Variants in FLACC1 observed in about 807,000 individuals in gnomAD.
FLACC1 encodes the protein flagellum-associated coiled-coil domain-containing protein 1.
A neutral mutation model predicts 62.8 loss-of-function variants in FLACC1; 66 were observed. The ratio of observed to expected loss-of-function variants is 1.05; its 90% CI spans 0.86 to 1.29. The LOEUF is 1.29. FLACC1 is among the 50% of genes most tolerant of loss of function. FLACC1 has a pLI of 0.00. For synonymous variants in FLACC1, 156 were observed against 161.0 expected, an observed-to-expected ratio of 0.97 and a Z score of 0.24; for missense variants, 452 against 489.1, an observed-to-expected ratio of 0.92 and a Z score of 0.71.
At chr2:201,312,440 A>T (rs1334917324) in intron 9 of FLACC1, among the ~76,000 whole-genome samples, 1 of 152,208 alleles carries the variant, frequency 6.6e-6, no homozygotes, top group Non-Finnish European at 1.5e-5. Context: ...AAATGGAAAA[A>T]CATTCCATGC....
At chr2:201,343,298 T>C (rs1950847395) in intron 6 of FLACC1, among the ~76,000 whole-genome samples, 1 of 152,256 alleles carries the variant, frequency 6.6e-6, no homozygotes, top group South Asian at 2.1e-4. Flanking sequence ...TTTTGTCCAA[T>C]GATCTACCAC....
intron 9 of FLACC1, among the ~76,000 whole-genome samples, chr2:201,317,738 C>T (rs1950331890): frequency 1.3e-5 from 2 of 152,024 alleles, no homozygotes; most frequent in Admixed American, 1.3e-4. Flanking sequence ...ACCCACATAG[C>T]CAAAGCAAGA....
intron 12 of FLACC1, among the ~76,000 whole-genome samples, chr2:201,294,370 C>T (rs1415012041): frequency 9.2e-5 from 14 of 152,080 alleles, no homozygotes; most frequent in African/African-American, 1.2e-4. Context: ...GTTCAACATA[C>T]GCAAATCAAT....
chr2:201,298,852 T>A (rs1337526498), intron 12 of FLACC1, among the ~76,000 whole-genome samples: 1 of 152,192 alleles, frequency 6.6e-6, no homozygotes, highest in East Asian at 1.9e-4. Context: ...CATTCAGAGC[T>A]TAAGGAGGGG....
intron 11 of FLACC1, among the ~76,000 whole-genome samples, chr2:201,300,795 TG>T (rs1458378637): frequency 3.3e-5 from 5 of 152,178 alleles, no homozygotes. Context: ...CCTCTCCTGG[TG>T]ATACCCAGGC....
rs368478504 is a variant in FLACC1, at chr2:201,342,480, A to G, written c.463-49T>C. 4 of 1,576,758 alleles carry G rather than the reference A, an allele frequency of 2.5e-6. No individual in the cohort carries two copies. In the African/African-American group the frequency reaches 5.4e-5, roughly 21 times the overall value. ...AACACAGGACTGAGGACCCTGTCCC[A>G]TTCTGATCTGCACCTTCTGAAAAGC... On this transcript the variant is annotated intron_variant, in intron 6 of 14. Transcript: ENST00000392257.
At chr2:201,345,407 G>C (rs1950890996) in intron 5 of FLACC1, among the ~76,000 whole-genome samples, 1 of 151,754 alleles carries the variant, frequency 6.6e-6, no homozygotes, top group South Asian at 2.1e-4. Flanking sequence ...ACTGCTAACG[G>C]TTTGGTTGAA....
chr2:201,362,272 C>T (rs1951191801), upstream of FLACC1, among the ~76,000 whole-genome samples: 1 of 152,038 alleles, frequency 6.6e-6, no homozygotes, highest in Admixed American at 6.5e-5. Context: ...GAGTCTCAAG[C>T]TTCATTTCTC....
At chr2:201,356,586 C>A (rs1464543693) in intron 1 of FLACC1, among the ~76,000 whole-genome samples, 1 of 152,164 alleles carries the variant, frequency 6.6e-6, no homozygotes, top group Non-Finnish European at 1.5e-5. Context: ...GTGCATATAA[C>A]CTTAAATGTT....
chr2:201,354,343 G>A (rs535880226), intron 1 of FLACC1, among the ~76,000 whole-genome samples: 1 of 152,312 alleles, frequency 6.6e-6, no homozygotes, highest in South Asian at 2.1e-4. Flanking sequence ...GTGGAGCAAA[G>A]GCAAGAGACC....
At chr2:201,348,482 G>C (rs1950962001) in intron 3 of FLACC1, among the ~76,000 whole-genome samples, 180 bp from the exon 4 acceptor site, 1 of 152,092 alleles carries the variant, frequency 6.6e-6, no homozygotes, top group South Asian at 2.1e-4. Context: ...CCAAAGTAGG[G>C]GTGCTCATGA....
rs375052178 is a variant in FLACC1, at chr2:201,309,267, G to T, written c.676-17C>A. ...AATACTGTCCTGGGGAGGTACAAAG[G>T]CACCATGAAGAAAAGAGTCCTAAAA... On this transcript the variant is annotated splice_polypyrimidine_tract_variant and intron_variant, in intron 9 of 14. Transcript: ENST00000392257. 5.7e-6 allele frequency: 9 copies of T among 1,583,244 alleles called. No individual in the cohort carries two copies. The highest frequency in any genetic ancestry group is 1.3e-5 in the African/African-American group (1 of 74,116).
At chr2:201,311,917 A>G (rs1255634938) in intron 9 of FLACC1, among the ~76,000 whole-genome samples, 3 of 152,182 alleles carry the variant, frequency 2.0e-5, no homozygotes, top group African/African-American at 7.2e-5. Flanking sequence ...TAGGTTATCA[A>G]AGGAACTTAC....
At position 201,289,531 on chromosome 2, in the gene FLACC1, T is replaced by G. The variant is rs751390013; in HGVS notation, c.1068A>C (p.Gln356His). Residue 356 changes from glutamine to histidine, a missense_variant, in exon 14 of 15, where the codon CAA (glutamine) becomes CAC (histidine). By Grantham distance (24) the Gln-to-His change is conservative. Around this residue, in one of 3 missense-constraint regions of FLACC1, gnomAD observed 301 missense variants for 318.4 expected, o/e 0.95. Coordinates refer to ENST00000392257, the MANE Select transcript of FLACC1 (RefSeq NM_001127391.3). ...AIVGNLEKML[Q>H]TKFAETEEKY... ...TTTCTTCAGTTTCAGCAAACTTGGT[T>G]TGAAGCATTTTCTCCAGATTTCCCA... The G allele has an allele frequency of 2.5e-6, 4 of 1,614,230 alleles. No individual in the cohort carries two copies. Among genetic ancestry groups the G allele is most frequent in the Admixed American group, 1.7e-5 (1 of 60,020 alleles).
chr2:201,309,922 A>G lies in FLACC1; in HGVS notation c.676-672T>C, dbSNP rs866953879. 1.1e-4 allele frequency among the ~76,000 whole-genome samples: 15 copies of G among 130,492 alleles called. 1 individual carries two copies. The South Asian group carries it at 4.9e-3, about 43-fold the overall frequency. The allele number at this position is 130,492 out of a possible 152,430, so 85.6% of individuals were successfully genotyped here. On this transcript the variant is annotated intron_variant, in intron 9 of 14. Coordinates refer to ENST00000392257, the MANE Select transcript of FLACC1 (RefSeq NM_001127391.3). ...CTCTGTCTCAAAAAAAAAAAAAAAA[A>G]AAAAAGAAGAAGAAAGGAAATACCT... is the stretch of plus-strand genomic sequence containing the variant.
chr2:201,338,293 T>C (rs1666033038), intron 7 of FLACC1, among the ~76,000 whole-genome samples: 1 of 152,216 alleles, frequency 6.6e-6, no homozygotes, highest in Non-Finnish European at 1.5e-5. Context: ...TCTAAGAGTT[T>C]TTGGATGGAG....
chr2:201,363,231 C>A, the FLACC1 span, among the ~76,000 whole-genome samples: 1 of 151,966 alleles, frequency 6.6e-6, no homozygotes, highest in Non-Finnish European at 1.5e-5. Flanking sequence ...ATCTGGAGCA[C>A]CCCCTTCCTT....
chr2:201,336,571 T>G (rs1377851203), intron 7 of FLACC1, among the ~76,000 whole-genome samples: 1 of 152,238 alleles, frequency 6.6e-6, no homozygotes, highest in African/African-American at 2.4e-5. Flanking sequence ...TCTCAAGTTC[T>G]TTGAGAAATC....
chr2:201,292,799 G>A (rs879371982), intron 12 of FLACC1, among the ~76,000 whole-genome samples: 4 of 152,124 alleles, frequency 2.6e-5, no homozygotes, highest in Admixed American at 2.6e-4. Flanking sequence ...GAGACACACA[G>A]AGGCTCAAAA....
Sources: gnomAD v4.1 joint callset for allele counts (sites outside exome capture counted in the v4.1 genomes callset) on GRCh38, gnomAD v4.1.1 for gene constraint, gnomAD v4.1.1 regional missense constraint, MANE v1.5 for transcripts, NCBI Gene and HGNC (gene_info 2026-07-23, HGNC 2026-07-21) for gene names.